The following THSD4 variants were observed in gnomAD, a reference collection of about 807,000 sequenced individuals.
THSD4 encodes the protein thrombospondin type 1 domain containing 4.
THSD4 carries 69 observed loss-of-function variants against 119.0 expected under a neutral mutation model. The observed-to-expected ratio is 0.58, with a 90% CI of 0.48 to 0.71. THSD4 has a LOEUF of 0.71. Ranked by LOEUF, THSD4 falls within the 30% of genes least tolerant of loss-of-function variation. THSD4 has a pLI of 0.00. For synonymous variants in THSD4, 524 were observed against 540.4 expected, an observed-to-expected ratio of 0.97 and a Z score of 0.42; for missense variants, 1,393 against 1,391.1, an observed-to-expected ratio of 1.00 and a Z score of -0.02.
chr15:71,390,849 C>CTTTTTTTTTTTTT (rs1010882999), intron 6 of THSD4, among the ~76,000 whole-genome samples: 1 of 90,880 alleles, frequency 1.1e-5, no homozygotes, highest in Non-Finnish European at 2.1e-5. Context: ...TTGGCTAAAT[C>CTTTTTTTTTTTTT]TTTTTTTTTT....
At chr15:71,380,457 G>C (rs892782552) in intron 6 of THSD4, among the ~76,000 whole-genome samples, 1 of 152,002 alleles carries the variant, frequency 6.6e-6, no homozygotes, top group Non-Finnish European at 1.5e-5. Context: ...TCAATGAATG[G>C]CTGCATACAA....
intron 7 of THSD4, among the ~76,000 whole-genome samples, chr15:71,461,222 G>A (rs914787261): frequency 1.3e-5 from 2 of 152,176 alleles, no homozygotes; most frequent in African/African-American, 4.8e-5. Context: ...AATTGGTACT[G>A]ACTGTTGGTA....
intron 6 of THSD4, among the ~76,000 whole-genome samples, chr15:71,281,117 C>G (rs1325918465): frequency 2.6e-5 from 4 of 152,212 alleles, no homozygotes; most frequent in Admixed American, 1.3e-4. Context: ...ATTTAACTCA[C>G]AGGTTTGTGA....
intron 15 of THSD4, among the ~76,000 whole-genome samples, chr15:71,763,377 AAT>A (rs10558138): frequency 0.18 from 27,301 of 151,868 alleles, 5,662 homozygotes; most frequent in African/African-American, 0.5. Flanking sequence ...TAAAGTCTAT[AAT>A]AAAGTACATA....
At chr15:71,748,302 A>G in intron 13 of THSD4, 119 bp from the exon 14 acceptor site, 1 of 1,251,040 alleles carries the variant, frequency 8.0e-7, no homozygotes, top group Non-Finnish European at 1.1e-6. Flanking sequence ...AGCTGGTGAC[A>G]TGCATGACAG....
intron 11 of THSD4, among the ~76,000 whole-genome samples, chr15:71,741,342 A>G (rs1329652204): frequency 6.6e-6 from 1 of 152,024 alleles, no homozygotes; most frequent in Non-Finnish European, 1.5e-5. Context: ...AAAATACAAA[A>G]ATTATCTGGG....
chr15:71,210,657 C>T (rs961277390), intron 3 of THSD4, among the ~76,000 whole-genome samples: 2 of 152,102 alleles, frequency 1.3e-5, no homozygotes, highest in African/African-American at 4.8e-5. Flanking sequence ...GGTCAAATAT[C>T]AGTGATTTTT....
At chr15:71,767,810 G>T (rs753333150) in intron 16 of THSD4, among the ~76,000 whole-genome samples, 5 of 152,174 alleles carry the variant, frequency 3.3e-5, no homozygotes, top group Non-Finnish European at 5.9e-5. Context: ...GTTAGGTTGG[G>T]ATATCTTTTT....
In THSD4 at chr15:71,728,718, T is replaced by G; in HGVS notation, c.1527T>G (p.Asp509Glu). Residue 509 changes from aspartate (D) to glutamate (E), a missense_variant, in exon 9 of 18, where the codon GAT (aspartate) becomes GAG (glutamate). Asp to Glu is a conservative substitution (Grantham distance 45). Transcript: ENST00000261862. The part of the protein sequence containing the change: ...LAEGPTNEIL[D>E]VYMIHQQPNP... ...AAGGTCCCACCAACGAGATCTTGGA[T>G]GTCTACGTGAGTTTGGATGTTTCTG... The G allele has an allele frequency of 6.2e-7, 1 of 1,614,090 alleles. No individual in the cohort carries two copies. The highest frequency in any genetic ancestry group is 8.5e-7 in the Non-Finnish European group (1 of 1,180,032).
At chr15:71,586,195 A>C (rs2049666331) in intron 7 of THSD4, among the ~76,000 whole-genome samples, 1 of 152,054 alleles carries the variant, frequency 6.6e-6, no homozygotes, top group Non-Finnish European at 1.5e-5. Context: ...AGTCTTTTCC[A>C]TCTGGTTCTG....
chr15:71,711,039 G>A (rs2052501299), intron 8 of THSD4, among the ~76,000 whole-genome samples: 1 of 149,920 alleles, frequency 6.7e-6, no homozygotes, highest in Non-Finnish European at 1.5e-5. Flanking sequence ...ATCCTCTTAA[G>A]TTCTATAAAA....
At chr15:71,521,451 T>C (rs1311793563) in intron 7 of THSD4, among the ~76,000 whole-genome samples, 1 of 152,258 alleles carries the variant, frequency 6.6e-6, no homozygotes, top group African/African-American at 2.4e-5. Context: ...CATTCATCTA[T>C]TCCTATCCAA....
intron 7 of THSD4, among the ~76,000 whole-genome samples, chr15:71,577,373 A>T (rs2049469393): frequency 6.6e-6 from 1 of 152,144 alleles, no homozygotes; most frequent in Non-Finnish European, 1.5e-5. Context: ...GCTGTTTGCC[A>T]CTCTAATCCT....
intron 3 of THSD4, among the ~76,000 whole-genome samples, chr15:71,170,257 C>G (rs1489122167): frequency 6.6e-6 from 1 of 152,182 alleles, no homozygotes; most frequent in African/African-American, 2.4e-5. Flanking sequence ...CTGTGGAGCT[C>G]TGCAGGAGAT....
intron 3 of THSD4, among the ~76,000 whole-genome samples, chr15:71,199,489 G>A (rs1048182682): frequency 1.8e-4 from 14 of 76,720 alleles, no homozygotes; most frequent in South Asian, 4.0e-4. Context: ...TGTGTGTGGG[G>A]TGTGTGTGGT....
chr15:71,470,310 G>T (rs773923442), intron 7 of THSD4, among the ~76,000 whole-genome samples: 1 of 152,080 alleles, frequency 6.6e-6, no homozygotes, highest in African/African-American at 2.4e-5. Context: ...CCTACCTGAG[G>T]GAACCAATAA....
intron 8 of THSD4, among the ~76,000 whole-genome samples, chr15:71,705,134 G>C (rs1309500227): frequency 1.3e-5 from 2 of 152,300 alleles, no homozygotes; most frequent in East Asian, 3.9e-4. Context: ...CAAGGAGCTG[G>C]AAGAATGGAA....
rs137957780 is a variant in THSD4 at position 71,305,112 on chromosome 15, A to C, written c.1015+48397A>C. ...CTGGGGAAAACCCTAACGAGGTAGG[A>C]GATGTTTCCCTGTAACCCAGAGCTG... is the stretch of plus-strand genomic sequence containing the variant. On this transcript the variant is annotated intron_variant, in intron 6 of 17. Transcript: ENST00000261862. Among the ~76,000 whole-genome samples the C allele has an allele frequency of 1.2e-3, 184 of 152,300 alleles. 2 individuals carry two copies. The highest frequency in any genetic ancestry group is 4.2e-3 in the African/African-American group (175 of 41,566).
chr15:71,158,530 T>C (rs1051029910), intron 3 of THSD4, among the ~76,000 whole-genome samples: 2 of 152,214 alleles, frequency 1.3e-5, no homozygotes, highest in Non-Finnish European at 2.9e-5. Context: ...GGTTTTGGTT[T>C]GCATTTCCCT....
Sources: gnomAD v4.1 joint callset for allele counts (sites outside exome capture counted in the v4.1 genomes callset) on GRCh38, gnomAD v4.1.1 for gene constraint, MANE v1.5 for transcripts, NCBI Gene and HGNC (gene_info 2026-07-23, HGNC 2026-07-21) for gene names.